Variants in BCAS3 observed in about 807,000 individuals in gnomAD.
BCAS3 encodes BCAS3 microtubule associated cell migration factor, also known as BCAS4/BCAS3 fusion.
Under a neutral mutation model 116.1 loss-of-function variants are expected in BCAS3, and 53 were observed. The observed-to-expected ratio is 0.46, with a 90% confidence interval of 0.37 to 0.57. BCAS3 has a LOEUF of 0.57. Ranked by LOEUF, BCAS3 falls within the 20% of genes least tolerant of loss-of-function variation. The pLI, the probability that BCAS3 is intolerant of heterozygous loss-of-function variation, is 0.00. For synonymous variants in BCAS3, 391 were observed against 408.2 expected (o/e 0.96, Z 0.51); for missense variants, 917 against 1,165.4 (o/e 0.79, Z 3.10).
chr17:61,108,712 C>G (rs1244613176), intron 22 of BCAS3, among the ~76,000 whole-genome samples: 1 of 151,576 alleles, frequency 6.6e-6, no homozygotes, highest in Non-Finnish European at 1.5e-5. Flanking sequence ...ACCCATCACC[C>G]GAGCAGTGTA....
At chr17:60,736,852 A>C (rs2041019440) in intron 5 of BCAS3, among the ~76,000 whole-genome samples, 1 of 151,376 alleles carries the variant, frequency 6.6e-6, no homozygotes, top group Admixed American at 6.6e-5. Flanking sequence ...TGTCCATGGG[A>C]TCTTTAGTGA....
At chr17:60,951,171 C>A (rs2060810028) in intron 14 of BCAS3, among the ~76,000 whole-genome samples, 1 of 152,044 alleles carries the variant, frequency 6.6e-6, no homozygotes, top group South Asian at 2.1e-4. Context: ...AGTAGTTTTT[C>A]AGTAAATTTT....
At chr17:60,904,547 T>C (rs1567834771) in intron 11 of BCAS3, among the ~76,000 whole-genome samples, 2 of 151,748 alleles carry the variant, frequency 1.3e-5, no homozygotes, top group Non-Finnish European at 2.9e-5. Context: ...TATAACACTT[T>C]AGGGCTGGAT....
At chr17:60,752,972 A>G (rs183426543) in intron 6 of BCAS3, among the ~76,000 whole-genome samples, 5 of 152,050 alleles carry the variant, frequency 3.3e-5, no homozygotes, top group African/African-American at 1.2e-4. Context: ...AGCCTCCTGA[A>G]TACCTAGGAC....
intron 13 of BCAS3, among the ~76,000 whole-genome samples, chr17:60,933,532 A>G (rs2145195075): frequency 6.6e-6 from 1 of 152,330 alleles, no homozygotes; most frequent in Non-Finnish European, 1.5e-5. Flanking sequence ...GTACCCCTTT[A>G]GATGCTTGGC....
intron 6 of BCAS3, among the ~76,000 whole-genome samples, chr17:60,764,246 T>C (rs1437977726): frequency 6.6e-6 from 1 of 152,070 alleles, no homozygotes; most frequent in East Asian, 1.9e-4. Context: ...AGCTTTTGAA[T>C]GTGTTTGCTC....
At chr17:61,174,804 G>GA (rs1284911787) in intron 22 of BCAS3, among the ~76,000 whole-genome samples, 1 of 151,894 alleles carries the variant, frequency 6.6e-6, no homozygotes, top group African/African-American at 2.4e-5. Flanking sequence ...CAAACGGGGA[G>GA]AAAATGAGAA....
intron 6 of BCAS3, among the ~76,000 whole-genome samples, chr17:60,801,663 C>G (rs1452792556): frequency 6.6e-6 from 1 of 152,146 alleles, no homozygotes; most frequent in Non-Finnish European, 1.5e-5. Flanking sequence ...CACTTGAATT[C>G]CCGATCCTAT....
At chr17:61,273,070 C>T (rs944459569) in intron 22 of BCAS3, among the ~76,000 whole-genome samples, 1 of 151,612 alleles carries the variant, frequency 6.6e-6, no homozygotes, top group African/African-American at 2.4e-5. Flanking sequence ...CTAGAATTCT[C>T]TTAGCTTTTG....
intron 6 of BCAS3, among the ~76,000 whole-genome samples, chr17:60,761,899 T>C (rs2043578821): frequency 6.7e-6 from 1 of 149,622 alleles, no homozygotes; most frequent in South Asian, 2.1e-4. Flanking sequence ...ATTGCCATTC[T>C]AATTCGTGTG....
rs2066515363 is a variant in BCAS3 at position 61,029,990 on chromosome 17, T to G, written c.1638-4676T>G. On this transcript the variant is annotated intron_variant, in intron 16 of 23. Coordinates refer to ENST00000407086, the MANE Select transcript of BCAS3 (RefSeq NM_017679.5). The surrounding 1 kb of genome is among the most constrained non-coding windows in gnomAD (Gnocchi z 5.2). Reference sequence around the variant, plus strand: ...AATAGAATAATTTCAGACAGATTATTAATATCTTTAGTTATTTGAAATAAA... The same window carrying G: ...AATAGAATAATTTCAGACAGATTATGAATATCTTTAGTTATTTGAAATAAA... Among the ~76,000 whole-genome samples, 1 of 152,068 alleles carries G rather than the reference T, an allele frequency of 6.6e-6. No individual in the cohort carries two copies. Among genetic ancestry groups the G allele is most frequent in the African/African-American group, 2.4e-5 (1 of 41,446 alleles).
Position 61,367,500 on chromosome 17 carries a change from C to T in BCAS3, c.2426-827C>T, listed in dbSNP as rs1603095104. On this transcript the variant is annotated intron_variant, in intron 22 of 23. Coordinates refer to ENST00000407086, the MANE Select transcript of BCAS3 (RefSeq NM_017679.5). The surrounding 1 kb of genome is among the most constrained non-coding windows in gnomAD (Gnocchi z 6.2). Reference sequence around the variant, plus strand: ...GGAGCAGCTTTGGCTTAAGGACAGACCCTTGCCGAAGATGCTATCACCCAC... The same window carrying T: ...GGAGCAGCTTTGGCTTAAGGACAGATCCTTGCCGAAGATGCTATCACCCAC... 1 of 152,340 alleles carries T rather than the reference C, an allele frequency of 6.6e-6. No individual in the cohort carries two copies. The highest frequency in any genetic ancestry group is 1.9e-4 in the East Asian group (1 of 5,182). The allele number at this position is 152,340 out of a possible 1,614,324, so 9.4% of individuals were successfully genotyped here. A position where few individuals can be genotyped will look rare whatever the true frequency, so the allele number is the denominator to read the frequency against.
At chr17:61,108,287 T>G (rs1330743898) in intron 22 of BCAS3, among the ~76,000 whole-genome samples, 2 of 152,202 alleles carry the variant, frequency 1.3e-5, no homozygotes, top group African/African-American at 2.4e-5. Context: ...CATTTTAGTT[T>G]CAGTGTGTCT....
intron 6 of BCAS3, among the ~76,000 whole-genome samples, chr17:60,769,108 G>A (rs1036893196): frequency 1.3e-4 from 20 of 152,312 alleles, no homozygotes; most frequent in African/African-American, 4.6e-4. Context: ...CAGTGGTGAT[G>A]TACTGATCTG....
intron 7 of BCAS3, among the ~76,000 whole-genome samples, chr17:60,848,197 C>T (rs1231790491): frequency 6.6e-6 from 1 of 152,100 alleles, no homozygotes. Flanking sequence ...ATTTTGATAA[C>T]CCTAGTTTTG....
chr17:61,093,447 C>T (rs759233455), intron 22 of BCAS3, among the ~76,000 whole-genome samples: 40 of 152,040 alleles, frequency 2.6e-4, no homozygotes, highest in Admixed American at 1.3e-4. Context: ...ATTAGCCAGG[C>T]ATGGTGGTGC....
rs527512550 is a variant in BCAS3, at chr17:60,993,882, A to T, written c.1486+3647A>T. Among the ~76,000 whole-genome samples the T allele has an allele frequency of 1.3e-5, 2 of 152,164 alleles. No individual in the cohort carries two copies. The highest frequency in any genetic ancestry group is 1.9e-4 in the East Asian group (1 of 5,188). ...TTAGGATTATTTTATCTATTTGCCA[A>T]TTTTTTTAACTTTCCAGAGGATGTT... On this transcript the variant is annotated intron_variant, in intron 15 of 23. Coordinates refer to ENST00000407086, the MANE Select transcript of BCAS3 (RefSeq NM_017679.5). The surrounding 1 kb of genome is among the most constrained non-coding windows in gnomAD (Gnocchi z 4.2).
intron 7 of BCAS3, among the ~76,000 whole-genome samples, chr17:60,848,994 C>T (rs1020183436): frequency 6.6e-6 from 1 of 152,194 alleles, no homozygotes; most frequent in Non-Finnish European, 1.5e-5. Flanking sequence ...AACGAGAGTC[C>T]TTGCTGTTTT....
At chr17:61,066,964 A>G (rs1374036854) in intron 19 of BCAS3, among the ~76,000 whole-genome samples, 1 of 151,940 alleles carries the variant, frequency 6.6e-6, no homozygotes, top group Non-Finnish European at 1.5e-5. Context: ...TATTATTTAT[A>G]TACTTTAATA....
Sources: gnomAD v4.1 joint callset for allele counts (sites outside exome capture counted in the v4.1 genomes callset) on GRCh38, gnomAD v4.1.1 for gene constraint, Gnocchi (gnomAD v3.1) non-coding constraint, MANE v1.5 for transcripts, NCBI Gene and HGNC (gene_info 2026-07-23, HGNC 2026-07-21) for gene names.